Variants in DNAH5 observed in about 807,000 individuals in gnomAD.
DNAH5 encodes axonemal beta dynein heavy chain 5.
DNAH5 carries 372 observed loss-of-function variants against 518.2 expected under a neutral mutation model. The ratio of observed to expected loss-of-function variants is 0.72; its 90% confidence interval spans 0.66 to 0.78. The LOEUF is 0.78. Among genes scored for constraint, DNAH5 ranks in the 30% least tolerant of loss-of-function variants. The probability of loss-of-function intolerance (pLI) is 0.00; values close to 1 mark genes in which losing one functional copy is unlikely to be tolerated. For missense variants in DNAH5, 5,523 were observed against 5,687.0 expected (o/e 0.97, Z 0.93); for synonymous variants, 2,039 against 2,025.9 (o/e 1.01, Z -0.17).
At chr5:13,810,531 G>C in intron 44 of DNAH5, 1 of 401,282 alleles carries the variant, frequency 2.5e-6, no homozygotes, top group South Asian at 3.3e-5. Context: ...ATGAGGTCAG[G>C]AGCTCGAGAC....
chr5:13,952,282 G>A (rs1780477127), intron 1 of DNAH5, among the ~76,000 whole-genome samples: 1 of 152,212 alleles, frequency 6.6e-6, no homozygotes, highest in Non-Finnish European at 1.5e-5. Context: ...GCATTGATTT[G>A]AAAGGCAGAA....
At chr5:13,895,504 C>T (rs1299265592) in intron 15 of DNAH5, among the ~76,000 whole-genome samples, 1 of 152,186 alleles carries the variant, frequency 6.6e-6, no homozygotes, top group Non-Finnish European at 1.5e-5. Flanking sequence ...GACATGCGTG[C>T]TGCTCCTCTG....
chr5:13,726,502 G>A (rs1406558121), intron 70 of DNAH5, among the ~76,000 whole-genome samples: 2 of 152,156 alleles, frequency 1.3e-5, no homozygotes, highest in Admixed American at 6.5e-5. Flanking sequence ...GCTTTCTATG[G>A]AAAAAGATAA....
In DNAH5 at chr5:13,752,159, A is replaced by C. The variant is rs1230162114; in HGVS notation, c.11003T>G (p.Phe3668Cys). The C allele has an allele frequency of 1.9e-6, 3 of 1,614,000 alleles. No homozygotes were observed. Among genetic ancestry groups the C allele is most frequent in the Middle Eastern group, 3.3e-4 (2 of 6,058 alleles). ...PALDNVLERN[F>C]IKTGSTFKVK... Reference sequence around the variant, plus strand: ...CTTAAAGGTAGACCCAGTTTTAATGAAGTTTCTTTCCAAAACATTATCTAG... The same window carrying C: ...CTTAAAGGTAGACCCAGTTTTAATGCAGTTTCTTTCCAAAACATTATCTAG... The change falls in exon 64 of 79, where the codon TTC becomes TGC. Residue 3668 changes from phenylalanine (F) to cysteine (C), a missense_variant. Phe to Cys is a radical substitution (Grantham distance 205). This residue lies in a region of DNAH5 where 5,121 missense variants were observed against 5,223.3 expected (regional missense o/e 0.98). Coordinates refer to ENST00000265104, the MANE Select transcript of DNAH5 (RefSeq NM_001369.3).
intron 44 of DNAH5, among the ~76,000 whole-genome samples, chr5:13,810,769 C>CA (rs1491227262): frequency 0.014 from 1,756 of 122,984 alleles, 27 homozygotes; most frequent in Middle Eastern, 0.038. Context: ...ACAAAACAAA[C>CA]AAACAAAAAA....
chr5:14,004,564 G>A (rs1355452824), intron 1 of DNAH5, among the ~76,000 whole-genome samples: 3 of 152,190 alleles, frequency 2.0e-5, no homozygotes, highest in Non-Finnish European at 2.9e-5. Context: ...AAAGATCTGG[G>A]TTTCATCACT....
At chr5:13,964,650 G>A (rs1375891718) in intron 1 of DNAH5, among the ~76,000 whole-genome samples, 6 of 152,176 alleles carry the variant, frequency 3.9e-5, no homozygotes, top group East Asian at 1.9e-4. Flanking sequence ...CAGTGGACCC[G>A]AGTAAAGGCC....
chr5:13,769,377 A>G, intron 57 of DNAH5, 124 bp downstream of exon 57: 1 of 972,166 alleles, frequency 1.0e-6, no homozygotes, highest in Non-Finnish European at 1.7e-6. Flanking sequence ...AATTAAGAGT[A>G]TTTTATTCCA....
intron 54 of DNAH5, 112 bp downstream of exon 54, chr5:13,777,090 T>C: frequency 9.8e-7 from 1 of 1,018,010 alleles, no homozygotes; most frequent in Non-Finnish European, 1.5e-6. Context: ...GATCACTTAA[T>C]ACCCATCCCC....
At chr5:13,999,985 C>T (rs1784237620) in intron 1 of DNAH5, among the ~76,000 whole-genome samples, 2 of 152,166 alleles carry the variant, frequency 1.3e-5, no homozygotes, top group African/African-American at 4.8e-5. Flanking sequence ...TTCACACTAA[C>T]AGAGAAATTA....
chr5:13,822,668 T>G (rs1446632949), intron 40 of DNAH5, among the ~76,000 whole-genome samples: 1 of 152,342 alleles, frequency 6.6e-6, no homozygotes, highest in South Asian at 2.1e-4. Flanking sequence ...AAAAAGAAAT[T>G]GAGGCATAAG....
Position 13,850,432 on chromosome 5 carries a change from A to G in DNAH5, c.5114+220T>C, listed in dbSNP as rs7706104. On this transcript the variant is annotated intron_variant, in intron 31 of 78. Coordinates refer to ENST00000265104, the MANE Select transcript of DNAH5 (RefSeq NM_001369.3). ...ATGTTTATACAGTCTTATCCCAGTG[A>G]TGGAAGCAACCTTAAGTCCTATGAG... Among the ~76,000 whole-genome samples the G allele has an allele frequency of 0.38, 57,437 of 152,104 alleles. 11,105 individuals are homozygous for G. Among genetic ancestry groups the G allele is most frequent in the South Asian group, 0.47 (2,268 of 4,822 alleles).
chr5:13,706,412 CA>C (rs1742793722), intron 76 of DNAH5, among the ~76,000 whole-genome samples: 1 of 152,144 alleles, frequency 6.6e-6, no homozygotes, highest in African/African-American at 2.4e-5. Context: ...TGGAGTCCCC[CA>C]GACAATGGCA....
intron 48 of DNAH5, 32 bp downstream of exon 48, chr5:13,793,904 A>G: frequency 6.2e-7 from 1 of 1,612,344 alleles, no homozygotes; most frequent in Non-Finnish European, 8.5e-7. Context: ...TACCAAATTA[A>G]AGAAATAAAA....
intron 1 of DNAH5, among the ~76,000 whole-genome samples, chr5:13,968,756 G>A (rs565931541): frequency 2.6e-5 from 4 of 152,284 alleles, no homozygotes; most frequent in Non-Finnish European, 5.9e-5. Flanking sequence ...GTTAATTAGG[G>A]ATATTGGCCT....
chr5:13,921,098 A>T (rs991207366), intron 5 of DNAH5, among the ~76,000 whole-genome samples: 18 of 152,248 alleles, frequency 1.2e-4, no homozygotes, highest in African/African-American at 3.4e-4. Flanking sequence ...ATTAAAAAAA[A>T]TTTTCAACAT....
Position 13,717,322 on chromosome 5 carries a change from A to G in DNAH5, c.12698T>C (p.Val4233Ala), listed in dbSNP as rs754490730. The change falls in exon 73 of 79, where the codon GTC (valine) becomes GCC (alanine). Residue 4233 changes from valine (V) to alanine (A), a missense_variant. By Grantham distance (64) the Val-to-Ala change is moderately conservative. Around this residue, in one of 3 missense-constraint regions of DNAH5, gnomAD observed 5,121 missense variants for 5,223.3 expected, o/e 0.98. Transcript: ENST00000265104. Reference protein sequence around the residue: ...FIQNHLDDMDVKKGVSWTTIR... With the variant: ...FIQNHLDDMDAKKGVSWTTIR... ...CAGCATGCGCGGCAGTACCTTTTTG[A>G]CATCCATGTCATCCAAGTGGTTTTG... The G allele has an allele frequency of 6.2e-7, 1 of 1,613,662 alleles. No individual in the cohort carries two copies. Among genetic ancestry groups the G allele is most frequent in the South Asian group, 1.1e-5 (1 of 90,990 alleles).
intron 15 of DNAH5, chr5:13,900,003 C>A (rs1046862855): frequency 3.4e-6 from 2 of 583,058 alleles, no homozygotes; most frequent in Non-Finnish European, 3.0e-6. Flanking sequence ...CAAAATAAAA[C>A]CCAAGCTTCT....
intron 31 of DNAH5, among the ~76,000 whole-genome samples, chr5:13,847,430 A>G (rs1014955107): frequency 6.6e-6 from 1 of 151,998 alleles, no homozygotes; most frequent in African/African-American, 2.4e-5. Context: ...AAGAATAAAA[A>G]AAAAGAAAAA....
Sources: gnomAD v4.1 joint callset for allele counts (sites outside exome capture counted in the v4.1 genomes callset) on GRCh38, gnomAD v4.1.1 for gene constraint, gnomAD v4.1.1 regional missense constraint, MANE v1.5 for transcripts, NCBI Gene and HGNC (gene_info 2026-07-23, HGNC 2026-07-21) for gene names.